QTMAN: variants seen among roughly 807,000 people sequenced by gnomAD.
QTMAN encodes the protein queuosine-tRNA mannosyltransferase.
the QTMAN span, among the ~76,000 whole-genome samples, chr2:144,035,489 T>G: frequency 2.0e-5 from 3 of 152,204 alleles, no homozygotes; most frequent in African/African-American, 7.2e-5. Flanking sequence ...GCTATGTGCT[T>G]TGAGAAAGCA....
At chr2:144,029,839 A>C in the QTMAN span, among the ~76,000 whole-genome samples, 319 of 151,850 alleles carry the variant, frequency 2.1e-3, no homozygotes, top group Non-Finnish European at 3.7e-3. Context: ...TATCTTCCTA[A>C]TGTGTTATTA....
At chr2:144,250,364 G>A in the QTMAN span, among the ~76,000 whole-genome samples, 1 of 151,904 alleles carries the variant, frequency 6.6e-6, no homozygotes, top group Non-Finnish European at 1.5e-5. Context: ...GGCTGGTCTT[G>A]CACTCCTGAA....
the QTMAN span, among the ~76,000 whole-genome samples, chr2:144,316,109 C>T: frequency 6.6e-6 from 1 of 152,104 alleles, no homozygotes; most frequent in Admixed American, 6.6e-5. Context: ...TGGGTATTAT[C>T]ACATGCCTGT....
the QTMAN span, among the ~76,000 whole-genome samples, chr2:144,188,743 A>T: frequency 7.1e-6 from 1 of 140,554 alleles, no homozygotes. Context: ...TAAATCCCTC[A>T]AATAATGAGA....
At chr2:144,273,169 TA>T in the QTMAN span, among the ~76,000 whole-genome samples, 1 of 151,370 alleles carries the variant, frequency 6.6e-6, no homozygotes, top group Non-Finnish European at 1.5e-5. Context: ...TATTTTCTTA[TA>T]AAATATGAAT....
the QTMAN span, among the ~76,000 whole-genome samples, chr2:144,257,533 C>T: frequency 6.6e-6 from 1 of 152,224 alleles, no homozygotes; most frequent in African/African-American, 2.4e-5. Flanking sequence ...TCCTATGACT[C>T]GTGGGCCTCA....
the QTMAN span, among the ~76,000 whole-genome samples, chr2:144,279,921 C>T: frequency 6.6e-6 from 1 of 151,966 alleles, no homozygotes; most frequent in Non-Finnish European, 1.5e-5. Flanking sequence ...CAATTATATG[C>T]ATTTGTTAGA....
chr2:144,134,442 C>CG, the QTMAN span, among the ~76,000 whole-genome samples: 1 of 152,086 alleles, frequency 6.6e-6, no homozygotes, highest in African/African-American at 2.4e-5. Flanking sequence ...TGACCAACAT[C>CG]CTTTTTCCCT....
the QTMAN span, among the ~76,000 whole-genome samples, chr2:144,321,055 A>C: frequency 2.0e-5 from 3 of 152,294 alleles, no homozygotes; most frequent in South Asian, 6.2e-4. Flanking sequence ...CCCAACTTAA[A>C]ACATCTCTTA....
chr2:143,973,020 A>C, the QTMAN span, among the ~76,000 whole-genome samples: 1 of 152,224 alleles, frequency 6.6e-6, no homozygotes, highest in Non-Finnish European at 1.5e-5. Flanking sequence ...AGGAGACATG[A>C]CCTAACAATT....
chr2:144,207,318 T>C, the QTMAN span, among the ~76,000 whole-genome samples: 561 of 152,308 alleles, frequency 3.7e-3, 2 homozygotes, highest in African/African-American at 0.013. Flanking sequence ...AGACGATACA[T>C]AATTTTCATA....
chr2:144,246,579 C>CAAAAAAAAA, the QTMAN span, among the ~76,000 whole-genome samples: 2 of 47,024 alleles, frequency 4.3e-5, no homozygotes, highest in African/African-American at 8.4e-5. Context: ...GACTCCGTCT[C>CAAAAAAAAA]AAAAAAAAAA....
chr2:144,182,829 A>ATATATATTT, the QTMAN span, among the ~76,000 whole-genome samples: 2 of 61,178 alleles, frequency 3.3e-5, no homozygotes, highest in African/African-American at 1.3e-4. Context: ...TATATATATA[A>ATATATATTT]TATATATATA....
At chr2:144,313,434 T>C in the QTMAN span, among the ~76,000 whole-genome samples, 18 of 152,124 alleles carry the variant, frequency 1.2e-4, no homozygotes, top group African/African-American at 3.9e-4. Context: ...ACTTACCTAT[T>C]ATGAGACCTC....
At chr2:144,054,564 A>C in the QTMAN span, among the ~76,000 whole-genome samples, 2 of 152,188 alleles carry the variant, frequency 1.3e-5, no homozygotes, top group Admixed American at 1.3e-4. Flanking sequence ...AAGAAATGTT[A>C]AAGAGATGTG....
the QTMAN span, among the ~76,000 whole-genome samples, chr2:144,213,907 C>T: frequency 2.0e-5 from 3 of 152,076 alleles, no homozygotes; most frequent in Non-Finnish European, 2.9e-5. Context: ...TCTGCACCTC[C>T]ACCCACCAAC....
chr2:144,243,545 T>C, the QTMAN span, among the ~76,000 whole-genome samples: 4 of 152,222 alleles, frequency 2.6e-5, no homozygotes, highest in East Asian at 7.7e-4. Flanking sequence ...ATTAATAACC[T>C]ACACAAATAT....
At chr2:144,325,659 A>T in the QTMAN span, among the ~76,000 whole-genome samples, 1 of 152,128 alleles carries the variant, frequency 6.6e-6, no homozygotes, top group Non-Finnish European at 1.5e-5. Context: ...TAAAGTGTTT[A>T]CCTCAACATA....
At chr2:144,312,177 C>T in the QTMAN span, among the ~76,000 whole-genome samples, 1 of 149,022 alleles carries the variant, frequency 6.7e-6, no homozygotes, top group East Asian at 2.0e-4. Context: ...GTGGGAGTTA[C>T]ATTCTTTTTT....
Sources: allele counts gnomAD v4.1 joint callset (sites outside exome capture counted in the v4.1 genomes callset), GRCh38; gene constraint gnomAD v4.1.1; transcripts MANE v1.5; gene names NCBI Gene and HGNC (gene_info 2026-07-23, HGNC 2026-07-21).